Variants in IL6R observed in about 807,000 individuals in gnomAD.
IL6R encodes interleukin 6 receptor.
In IL6R, 38 loss-of-function variants were observed where a neutral mutation model predicts 48.3. The ratio of observed to expected loss-of-function variants is 0.79; its 90% CI spans 0.61 to 1.03. The LOEUF (loss-of-function observed/expected upper bound fraction) is 1.03. Among genes scored for constraint, IL6R ranks in the 50% least tolerant of loss-of-function variants. IL6R has a pLI of 0.00. For missense variants in IL6R, 534 were observed against 618.3 expected (o/e 0.86, Z 1.45); for synonymous variants, 264 against 256.2 (o/e 1.03, Z -0.29).
chr1:154,450,025 A>C (rs1403503199), intron 8 of IL6R, 45 bp downstream of exon 8: 7 of 1,230,382 alleles, frequency 5.7e-6, no homozygotes, highest in Non-Finnish European at 8.4e-6. Flanking sequence ...GAGGGACAGA[A>C]GATTTGTCTC....
Position 154,465,392 on chromosome 1 carries a change from G to C in IL6R, c.*12G>C. 2.5e-6 allele frequency: 4 copies of C among 1,613,768 alleles called. No individual in the cohort carries two copies. Among genetic ancestry groups the C allele is most frequent in the Non-Finnish European group, 3.4e-6 (4 of 1,179,744 alleles). ...TCTTCCCCAGATAGCTGGCTGGGTG[G>C]CACCAGCAGCCTGGACCCTGTGGAT... is the stretch of plus-strand genomic sequence containing the variant. On this transcript the variant is annotated 3_prime_UTR_variant, in exon 10 of 10. Coordinates refer to ENST00000368485, the MANE Select transcript of IL6R (RefSeq NM_000565.4).
chr1:154,438,583 C>G (rs1193430212), intron 6 of IL6R, among the ~76,000 whole-genome samples: 1 of 152,152 alleles, frequency 6.6e-6, no homozygotes, highest in African/African-American at 2.4e-5. Flanking sequence ...GAATTGACAT[C>G]AGTCCCATCC....
intron 6 of IL6R, among the ~76,000 whole-genome samples, chr1:154,439,794 C>T (rs939836682): frequency 6.6e-6 from 1 of 152,202 alleles, no homozygotes; most frequent in Admixed American, 6.5e-5. Context: ...AGTCTACTTG[C>T]TTTTTCTGTG....
At chr1:154,445,086 C>T (rs1385896939) in intron 6 of IL6R, 1 of 456,124 alleles carries the variant, frequency 2.2e-6, no homozygotes, top group Non-Finnish European at 4.4e-6. Context: ...ATTTGGGACC[C>T]AGCTGGAGGT....
intron 1 of IL6R, among the ~76,000 whole-genome samples, chr1:154,422,866 G>C (rs1688753057): frequency 6.6e-6 from 1 of 152,168 alleles, no homozygotes; most frequent in African/African-American, 2.4e-5. Flanking sequence ...TCCTCACCTG[G>C]TTCCTCATCG....
chr1:154,460,669 T>C (rs879515843), intron 9 of IL6R, among the ~76,000 whole-genome samples: 1 of 152,124 alleles, frequency 6.6e-6, no homozygotes, highest in African/African-American at 2.4e-5. Context: ...TACAGCGCCA[T>C]GAAGTGTACA....
At chr1:154,447,568 T>C (rs1186009890) in intron 6 of IL6R, among the ~76,000 whole-genome samples, 7 of 144,724 alleles carry the variant, frequency 4.8e-5, no homozygotes, top group East Asian at 3.9e-4. Context: ...TATATATATA[T>C]ACACATACAT....
At chr1:154,413,411 C>G (rs978557026) in intron 1 of IL6R, among the ~76,000 whole-genome samples, 14 of 152,226 alleles carry the variant, frequency 9.2e-5, no homozygotes, top group African/African-American at 3.4e-4. Context: ...AGTACACCTG[C>G]AGGATATATT....
At chr1:154,415,244 C>G (rs996960316) in intron 1 of IL6R, 3 of 611,684 alleles carry the variant, frequency 4.9e-6, no homozygotes, top group Non-Finnish European at 8.8e-6. Context: ...AAAAGATTCT[C>G]CTTTTCTGGT....
chr1:154,455,671 C>T (rs1162480694), intron 9 of IL6R, among the ~76,000 whole-genome samples: 2 of 151,162 alleles, frequency 1.3e-5, no homozygotes, highest in South Asian at 2.1e-4. Flanking sequence ...CCAGGATGGT[C>T]TCGATCTCCT....
At chr1:154,449,175 G>A (rs1314029457) in intron 7 of IL6R, among the ~76,000 whole-genome samples, 9 of 86,860 alleles carry the variant, frequency 1.0e-4, no homozygotes, top group African/African-American at 4.3e-4. Context: ...GATTACACGC[G>A]TGAGCCACCG....
At chr1:154,412,249 C>A (rs549126721) in intron 1 of IL6R, among the ~76,000 whole-genome samples, 1 of 147,678 alleles carries the variant, frequency 6.8e-6, no homozygotes, top group Non-Finnish European at 1.5e-5. Context: ...GCCCGGTGAG[C>A]CTTTTTTTTT....
intron 6 of IL6R, among the ~76,000 whole-genome samples, chr1:154,438,977 G>A (rs1202152380): frequency 6.6e-6 from 1 of 152,098 alleles, no homozygotes; most frequent in Non-Finnish European, 1.5e-5. Context: ...TAATAAATCA[G>A]TGCATCCTTC....
chr1:154,450,102 T>TTGTGTGTGTGTGTGTGTG (rs762323280), intron 8 of IL6R, 122 bp downstream of exon 8: 1 of 463,324 alleles, frequency 2.2e-6, no homozygotes. Flanking sequence ...CGCAGAAATG[T>TTGTGTGTGTGTGTGTGTG]TCTGTGTGTG....
intron 1 of IL6R, chr1:154,414,902 T>G: frequency 1.1e-6 from 1 of 897,452 alleles, no homozygotes; most frequent in Non-Finnish European, 1.8e-6. Flanking sequence ...TAGCAGCATT[T>G]GAGCTGGGTC....
At chr1:154,429,858 A>G (rs1349947421) in intron 2 of IL6R, among the ~76,000 whole-genome samples, 2 of 152,102 alleles carry the variant, frequency 1.3e-5, no homozygotes, top group African/African-American at 2.4e-5. Context: ...GTGTGTGTGT[A>G]TATCACACAC....
At chr1:154,425,734 A>T (rs151230105) in intron 1 of IL6R, among the ~76,000 whole-genome samples, 22 of 151,686 alleles carry the variant, frequency 1.5e-4, no homozygotes, top group African/African-American at 4.6e-4. Context: ...TGATTGTGCC[A>T]CTGTACTTCA....
chr1:154,420,782 C>T (rs763568961), intron 1 of IL6R, among the ~76,000 whole-genome samples: 29 of 152,084 alleles, frequency 1.9e-4, no homozygotes, highest in Admixed American at 2.6e-4. Flanking sequence ...GTGATCCACC[C>T]GTCTCAGCCT....
At chr1:154,459,043 A>G (rs1691091182) in intron 9 of IL6R, among the ~76,000 whole-genome samples, 1 of 152,218 alleles carries the variant, frequency 6.6e-6, no homozygotes. Context: ...TGACTTGCCC[A>G]AGGACAAGCA....
Sources: gnomAD v4.1 joint callset for allele counts (sites outside exome capture counted in the v4.1 genomes callset) on GRCh38, gnomAD v4.1.1 for gene constraint, MANE v1.5 for transcripts, NCBI Gene and HGNC (gene_info 2026-07-23, HGNC 2026-07-21) for gene names.